ZSCAN5A: variants seen among roughly 807,000 people sequenced by gnomAD.
The protein encoded by ZSCAN5A is zinc finger and SCAN domain containing 5A.
ZSCAN5A carries 12 observed loss-of-function variants against 23.7 expected under a neutral mutation model. That is an observed-to-expected ratio of 0.51 (90% confidence interval 0.32 to 0.82). The LOEUF (loss-of-function observed/expected upper bound fraction) is 0.82, where lower values mean the gene tolerates loss of function less well. ZSCAN5A is among the 40% of genes least tolerant of loss of function. The pLI is 0.03. For synonymous variants in ZSCAN5A, 257 were observed against 239.9 expected (o/e 1.07, Z -0.66); for missense variants, 597 against 617.9 (o/e 0.97, Z 0.36).
chr19:56,338,948 GACAGTGACGTA>G (rs1440166226), intron 2 of ZSCAN5A, among the ~76,000 whole-genome samples: 2 of 152,238 alleles, frequency 1.3e-5, no homozygotes, highest in Non-Finnish European at 2.9e-5. Context: ...GAGAAAGCTT[GACAGTGACGTA>G]ATGTATTTGG....
At chr19:56,318,081 T>C (rs1226953505), upstream of ZSCAN5A, 1 of 152,234 alleles carries the variant, frequency 6.6e-6, no homozygotes, top group East Asian at 1.9e-4. Flanking sequence ...CCCAGAGCTC[T>C]CACCACCACA....
intron 2 of ZSCAN5A, among the ~76,000 whole-genome samples, chr19:56,225,832 T>G (rs1050247945): frequency 6.6e-6 from 1 of 152,006 alleles, no homozygotes; most frequent in African/African-American, 2.4e-5. Flanking sequence ...AGCAACCCCA[T>G]CCCCATCAGT....
At chr19:56,311,539 C>A (rs1465782248) in intron 2 of ZSCAN5A, among the ~76,000 whole-genome samples, 2 of 152,094 alleles carry the variant, frequency 1.3e-5, no homozygotes, top group African/African-American at 4.8e-5. Flanking sequence ...ATTCAGTGAG[C>A]CTGAAGCATC....
At chr19:56,298,933 CCTAGA>C (rs746723759) in intron 2 of ZSCAN5A, among the ~76,000 whole-genome samples, 1 of 152,112 alleles carries the variant, frequency 6.6e-6, no homozygotes, top group African/African-American at 2.4e-5. Flanking sequence ...GATGGAAAAT[CCTAGA>C]CTAAATATTA....
rs997769279 is a variant in ZSCAN5A, at chr19:56,357,255, A to G, written c.-358+5980T>C. Reference sequence around the variant, plus strand: ...TTTGGAGAGTGAGGAATAATAAAACATATCACTGCTATTTGGTAAATGTCT... The same window carrying G: ...TTTGGAGAGTGAGGAATAATAAAACGTATCACTGCTATTTGGTAAATGTCT... On this transcript the variant is annotated intron_variant, in intron 2 of 6. Coordinates refer to the ZSCAN5A transcript ENST00000587340. 4.7e-5 allele frequency among the ~76,000 whole-genome samples: 7 copies of G among 148,558 alleles called. No individual in the cohort carries two copies. In the East Asian group the frequency reaches 1.4e-3, roughly 29 times the overall value.
At chr19:56,321,252 G>A in intron 2 of ZSCAN5A, 1 of 669,208 alleles carries the variant, frequency 1.5e-6, no homozygotes, top group African/African-American at 1.8e-5. Context: ...TGGGGTATCA[G>A]TAGTGCCAGC....
intron 2 of ZSCAN5A, among the ~76,000 whole-genome samples, chr19:56,247,834 G>A (rs2036050941): frequency 6.6e-6 from 1 of 152,082 alleles, no homozygotes; most frequent in African/African-American, 2.4e-5. Flanking sequence ...TGGGACTACA[G>A]GCGCCTGCCA....
intron 2 of ZSCAN5A, chr19:56,296,211 C>G (rs1010008042): frequency 6.6e-6 from 1 of 152,082 alleles, no homozygotes; most frequent in Non-Finnish European, 1.5e-5. Context: ...GAGGACGATG[C>G]GGGCAATCCA....
intron 2 of ZSCAN5A, among the ~76,000 whole-genome samples, chr19:56,282,160 G>A (rs1020776968): frequency 1.3e-5 from 2 of 152,126 alleles, no homozygotes; most frequent in African/African-American, 2.4e-5. Context: ...TCCAGTCTCC[G>A]GTTGAGAAGT....
At position 56,344,626 on chromosome 19, in the gene ZSCAN5A, G is replaced by A. The variant is rs1281978258; in HGVS notation, c.-358+18609C>T. On this transcript the variant is annotated intron_variant, in intron 2 of 6. Transcript: ENST00000587340. ...TCTCTATTAAAAAAAAGATACGGCC[G>A]GGCGCAGTGGCTCACGCCTGTAATC... 6.7e-5 allele frequency among the ~76,000 whole-genome samples: 10 copies of A among 148,384 alleles called. 1 individual carries two copies. The highest frequency in any genetic ancestry group is 4.0e-4 in the East Asian group (2 of 5,054).
At chr19:56,222,400 C>T (rs747563883) in intron 5 of ZSCAN5A, 74 bp from the exon 6 acceptor site, 4 of 1,575,620 alleles carry the variant, frequency 2.5e-6, no homozygotes, top group Non-Finnish European at 3.4e-6. Context: ...CAACCAAACA[C>T]TGATGTTGGC....
At chr19:56,296,238 G>A (rs2039864843) in intron 2 of ZSCAN5A, 1 of 152,562 alleles carries the variant, frequency 6.6e-6, no homozygotes, top group African/African-American at 2.4e-5. Context: ...CTTCTCGGAG[G>A]AGGAGTGGCT....
At chr19:56,308,449 A>C (rs1460553249) in intron 2 of ZSCAN5A, among the ~76,000 whole-genome samples, 1 of 151,858 alleles carries the variant, frequency 6.6e-6, no homozygotes, top group East Asian at 1.9e-4. Context: ...TCAGACTCCC[A>C]AGTAGCTGGG....
intron 2 of ZSCAN5A, among the ~76,000 whole-genome samples, chr19:56,265,315 C>T (rs2037399275): frequency 6.7e-6 from 1 of 149,642 alleles, no homozygotes; most frequent in Non-Finnish European, 1.5e-5. Context: ...ACTTCTCAAT[C>T]TTTCACCTTG....
intron 2 of ZSCAN5A, chr19:56,321,036 C>G (rs2041370013): frequency 2.8e-6 from 2 of 703,650 alleles, no homozygotes; most frequent in African/African-American, 1.7e-5. Flanking sequence ...TAAGACTTCT[C>G]TCACTGACAT....
Position 56,288,097 on chromosome 19 carries a change from G to A in ZSCAN5A, c.-128+25186C>T, listed in dbSNP as rs557566787. Among the ~76,000 whole-genome samples, 29 of 152,310 alleles carry A rather than the reference G, an allele frequency of 1.9e-4. No homozygotes were observed. In the South Asian group the frequency reaches 5.8e-3, roughly 30 times the overall value. ...GGCTGGTGTGGCAGAGCCAAGAAGG[G>A]AGCACAGGCCCAAATGGGTCCATGG... On this transcript the variant is annotated intron_variant, in intron 2 of 5. Transcript: ENST00000683990.
intron 2 of ZSCAN5A, among the ~76,000 whole-genome samples, chr19:56,242,770 GTTCT>G (rs752688834): frequency 3.6e-4 from 48 of 133,914 alleles, no homozygotes; most frequent in Non-Finnish European, 5.8e-4. Context: ...TCAAAAAATC[GTTCT>G]TTCTTTCTCT....
intron 2 of ZSCAN5A, chr19:56,282,618 A>C (rs2038799230): frequency 1.9e-6 from 1 of 513,380 alleles, no homozygotes; most frequent in Admixed American, 6.4e-5. Context: ...CTTAGCTTCT[A>C]ATAGCGGAAC....
intron 2 of ZSCAN5A, chr19:56,243,898 G>A (rs148029425): frequency 1.8e-5 from 9 of 498,028 alleles, no homozygotes; most frequent in Admixed American, 3.4e-5. Flanking sequence ...AACTTTGATC[G>A]GGCTCATGTT....
Sources: gnomAD v4.1 joint callset for allele counts (sites outside exome capture counted in the v4.1 genomes callset) on GRCh38, gnomAD v4.1.1 for gene constraint, MANE v1.5 for transcripts, NCBI Gene and HGNC (gene_info 2026-07-23, HGNC 2026-07-21) for gene names.